MTX2: variants seen among roughly 807,000 people sequenced by gnomAD.
MTX2 encodes the protein metaxin 2.
In MTX2, 35 loss-of-function variants were observed where a neutral mutation model predicts 42.3. The observed-to-expected ratio is 0.83, with a 90% confidence interval of 0.63 to 1.10. MTX2 has a LOEUF of 1.10. Ranked by LOEUF, MTX2 falls within the 50% of genes least tolerant of loss-of-function variation. The pLI is 0.00. For missense variants in MTX2, 307 were observed against 304.1 expected (o/e 1.01, Z -0.07); for synonymous variants, 119 against 100.9 (o/e 1.18, Z -1.08).
chr2:176,311,718 G>T (rs1472394606), intron 3 of MTX2, among the ~76,000 whole-genome samples: 2 of 152,256 alleles, frequency 1.3e-5, no homozygotes, highest in African/African-American at 4.8e-5. Flanking sequence ...CCAGGCACGG[G>T]AGAGAATCAC....
intron 1 of MTX2, among the ~76,000 whole-genome samples, chr2:176,272,956 A>C (rs1193942076): frequency 2.6e-5 from 4 of 152,234 alleles, no homozygotes. Context: ...AGAATACCAC[A>C]GACTAGGTAA....
At chr2:176,275,647 A>G (rs1324815977) in intron 1 of MTX2, among the ~76,000 whole-genome samples, 1 of 152,148 alleles carries the variant, frequency 6.6e-6, no homozygotes, top group African/African-American at 2.4e-5. Context: ...AGATTTTTCA[A>G]TACATTACTC....
chr2:176,275,329 C>T (rs1194758817), intron 1 of MTX2, among the ~76,000 whole-genome samples: 3 of 151,886 alleles, frequency 2.0e-5, no homozygotes, highest in African/African-American at 4.8e-5. Flanking sequence ...ACCTCCACCT[C>T]CCAGGTTCAA....
At chr2:176,279,211 CTT>C (rs1174800912) in intron 1 of MTX2, among the ~76,000 whole-genome samples, 1 of 151,986 alleles carries the variant, frequency 6.6e-6, no homozygotes, top group Non-Finnish European at 1.5e-5. Context: ...AAAAAATAGA[CTT>C]TTGATGTGTA....
At chr2:176,313,340 C>G (rs1386985974) in intron 3 of MTX2, among the ~76,000 whole-genome samples, 1 of 150,806 alleles carries the variant, frequency 6.6e-6, no homozygotes, top group Non-Finnish European at 1.5e-5. Flanking sequence ...CCAGAGAGCT[C>G]TCTCTCTGAT....
At chr2:176,274,815 A>T (rs1692908759) in intron 1 of MTX2, among the ~76,000 whole-genome samples, 1 of 152,220 alleles carries the variant, frequency 6.6e-6, no homozygotes, top group Non-Finnish European at 1.5e-5. Flanking sequence ...AAGCTAACTA[A>T]GTAGGGACTT....
chr2:176,310,325 T>A (rs1163280319), intron 3 of MTX2, among the ~76,000 whole-genome samples: 1 of 152,204 alleles, frequency 6.6e-6, no homozygotes, highest in Non-Finnish European at 1.5e-5. Context: ...TCTCTCTGGC[T>A]GCCCTTAACA....
At position 176,330,598 on chromosome 2, in the gene MTX2, A is replaced by G. The variant is rs1156683202; in HGVS notation, c.558A>G (p.Val186=). ...KKTLDQVLED[V]DQCCQALSQR... is the part of the protein sequence containing the mutation. ...GCCTGTGTTAGGTCTTAGAGGATGT[A>G]GACCAGTGCTGTCAAGCTCTCTCTC... is the stretch of plus-strand genomic sequence containing the variant. The change falls in exon 9 of 10, where the codon GTA becomes GTG. Residue 186 remains valine (V), a synonymous_variant. Coordinates refer to ENST00000249442, the MANE Select transcript of MTX2 (RefSeq NM_006554.5). The G allele has an allele frequency of 6.3e-7, 1 of 1,585,652 alleles. No homozygotes were observed. The highest frequency in any genetic ancestry group is 1.2e-5 in the South Asian group (1 of 86,464).
chr2:176,279,237 G>A (rs1693023213), intron 1 of MTX2, among the ~76,000 whole-genome samples: 1 of 151,968 alleles, frequency 6.6e-6, no homozygotes, highest in Non-Finnish European at 1.5e-5. Context: ...TTATTACAGT[G>A]GATACAGTAT....
At position 176,329,401 on chromosome 2, in the gene MTX2, G is replaced by A. The variant is rs1558944861; in HGVS notation, c.518G>A (p.Gly173Glu). The A allele has an allele frequency of 1.9e-6, 3 of 1,607,060 alleles. No homozygotes were observed. The highest frequency in any genetic ancestry group is 2.7e-5 in the African/African-American group (2 of 74,578). Residue 173 changes from glycine (G) to glutamate (E), a missense_variant, in exon 8 of 10, where the codon GGA becomes GAA. By Grantham distance (98) the Gly-to-Glu change is moderately conservative. Transcript: ENST00000249442. Reference protein sequence around the residue: ...WEVKRKMKAIGWGKKTLDQVL... With the variant: ...WEVKRKMKAIEWGKKTLDQVL... ...GTCAAACGTAAGATGAAAGCTATTG[G>A]ATGGGGAAAGAAGACTCTGGACCAG...
chr2:176,273,592 G>A (rs906932237), intron 1 of MTX2, among the ~76,000 whole-genome samples: 1 of 152,050 alleles, frequency 6.6e-6, no homozygotes, highest in Non-Finnish European at 1.5e-5. Context: ...TTCTTGAAGT[G>A]ACTTCTTTGA....
intron 1 of MTX2, among the ~76,000 whole-genome samples, chr2:176,277,576 AT>A (rs2105395221): frequency 6.6e-6 from 1 of 152,030 alleles, no homozygotes; most frequent in South Asian, 2.1e-4. Context: ...CTAATTTTGT[AT>A]TTTTAGTAGA....
intron 4 of MTX2, 143 bp from the exon 5 acceptor site, chr2:176,326,682 C>T (rs959067945): frequency 1.9e-5 from 10 of 531,754 alleles, no homozygotes; most frequent in Non-Finnish European, 3.3e-5. Context: ...TTAATATACA[C>T]ATCTGACAAA....
At chr2:176,317,190 G>A (rs1684468388) in intron 3 of MTX2, among the ~76,000 whole-genome samples, 1 of 151,756 alleles carries the variant, frequency 6.6e-6, no homozygotes, top group Non-Finnish European at 1.5e-5. Context: ...TTATGTACCA[G>A]GCGCATAACT....
intron 3 of MTX2, among the ~76,000 whole-genome samples, chr2:176,307,837 T>C (rs1290834201): frequency 6.6e-6 from 1 of 152,186 alleles, no homozygotes; most frequent in Non-Finnish European, 1.5e-5. Context: ...AATCATATCA[T>C]CTGCAAACAG....
At chr2:176,314,739 G>T (rs992170701) in intron 3 of MTX2, among the ~76,000 whole-genome samples, 2 of 152,146 alleles carry the variant, frequency 1.3e-5, no homozygotes, top group South Asian at 2.1e-4. Flanking sequence ...GCTAACAGTG[G>T]TTCCTTCATG....
chr2:176,273,143 C>T (rs899100118), intron 1 of MTX2, among the ~76,000 whole-genome samples: 3 of 152,188 alleles, frequency 2.0e-5, no homozygotes, highest in Non-Finnish European at 4.4e-5. Flanking sequence ...CAACAACCTA[C>T]TCTTGGGATA....
At position 176,337,950 on chromosome 2, in the gene MTX2, A is replaced by T. The variant is rs563583275; in HGVS notation, c.*286A>T. 3.0e-5 allele frequency: 6 copies of T among 197,060 alleles called. No homozygotes were observed. In the East Asian group the frequency reaches 7.0e-4, roughly 23 times the overall value. 12.2% of individuals were successfully genotyped at this position (197,060 alleles called of 1,614,324 possible). ...AAACAACTGTATGGATGTTACATTT[A>T]CTTTCTTTTGATTTTTCTGAAAGTC... On this transcript the variant is annotated 3_prime_UTR_variant, in exon 10 of 10. Transcript: ENST00000249442.
chr2:176,328,435 C>T (rs1414765840), intron 6 of MTX2, 50 bp downstream of exon 6: 3 of 1,171,492 alleles, frequency 2.6e-6, no homozygotes, highest in African/African-American at 1.6e-5. Context: ...CTCTCATTCT[C>T]ATAAAATATA....
Sources: allele counts gnomAD v4.1 joint callset (sites outside exome capture counted in the v4.1 genomes callset), GRCh38; gene constraint gnomAD v4.1.1; transcripts MANE v1.5; gene names NCBI Gene and HGNC (gene_info 2026-07-23, HGNC 2026-07-21).